Variants in MACROD2 observed in about 807,000 individuals in gnomAD.
MACROD2 encodes the protein ADP-ribose glycohydrolase MACROD2.
A neutral mutation model predicts 70.4 loss-of-function variants in MACROD2; 36 were observed. The ratio of observed to expected loss-of-function variants is 0.51; its 90% CI spans 0.39 to 0.68. The LOEUF (loss-of-function observed/expected upper bound fraction) is 0.68. Ranked by LOEUF, MACROD2 falls within the 30% of genes least tolerant of loss-of-function variation. The pLI is 0.00. For missense variants in MACROD2, 496 were observed against 538.4 expected (o/e 0.92, Z 0.78); for synonymous variants, 172 against 178.8 (o/e 0.96, Z 0.30).
chr20:15,154,576 G>A (rs2076293657), intron 5 of MACROD2, among the ~76,000 whole-genome samples: 1 of 152,196 alleles, frequency 6.6e-6, no homozygotes. Context: ...GTTAGTTTGA[G>A]ATCAAGGTGC....
intron 8 of MACROD2, among the ~76,000 whole-genome samples, chr20:15,714,208 C>A (rs531754125): frequency 6.6e-6 from 1 of 152,308 alleles, no homozygotes; most frequent in East Asian, 1.9e-4. Context: ...TGGCAAGGGC[C>A]AACCACAGAA....
chr20:14,866,914 A>C (rs917361334), intron 5 of MACROD2, among the ~76,000 whole-genome samples: 1 of 152,186 alleles, frequency 6.6e-6, no homozygotes, highest in Non-Finnish European at 1.5e-5. Context: ...AAGTGGTTAA[A>C]TCAAAGCTAT....
Position 16,051,641 on chromosome 20 carries a change from C to T in MACROD2, c.*1765C>T, listed in dbSNP as rs965107390. 15 of 152,048 alleles carry T rather than the reference C, an allele frequency of 9.9e-5. No homozygotes were observed. The highest frequency in any genetic ancestry group is 3.1e-4 in the African/African-American group (13 of 41,372). The allele number at this position is 152,048 out of a possible 1,614,324, so 9.4% of individuals were successfully genotyped here. Reference sequence around the variant, plus strand: ...ATGTTGTTGCTTTTCAGAAAAGTAACGAAAAGGCTCATTTTAAAGAATCCA... The same window carrying T: ...ATGTTGTTGCTTTTCAGAAAAGTAATGAAAAGGCTCATTTTAAAGAATCCA... On this transcript the variant is annotated 3_prime_UTR_variant, in exon 18 of 18. Coordinates refer to ENST00000684519, the MANE Select transcript of MACROD2 (RefSeq NM_001351661.2).
At chr20:14,177,184 T>G (rs2081269208) in intron 3 of MACROD2, among the ~76,000 whole-genome samples, 1 of 152,130 alleles carries the variant, frequency 6.6e-6, no homozygotes, top group Non-Finnish European at 1.5e-5. Context: ...TTGTTGATCA[T>G]GTATTTGTAT....
intron 4 of MACROD2, among the ~76,000 whole-genome samples, chr20:14,629,303 A>G (rs1172805652): frequency 6.6e-6 from 1 of 152,220 alleles, no homozygotes; most frequent in Non-Finnish European, 1.5e-5. Flanking sequence ...GAATATTTCT[A>G]CTTCTCCATT....
intron 4 of MACROD2, among the ~76,000 whole-genome samples, chr20:14,541,673 G>A (rs1331709192): frequency 1.3e-5 from 2 of 151,974 alleles, no homozygotes; most frequent in African/African-American, 4.8e-5. Flanking sequence ...AGGGAATGGT[G>A]TCTATAAAAC....
chr20:15,293,082 G>C (rs985983733), intron 6 of MACROD2, among the ~76,000 whole-genome samples: 1 of 152,182 alleles, frequency 6.6e-6, no homozygotes, highest in Non-Finnish European at 1.5e-5. Context: ...GTACTGCTAT[G>C]AGATTCTTTC....
chr20:14,739,107 C>T (rs551773245), intron 5 of MACROD2, among the ~76,000 whole-genome samples: 1 of 152,052 alleles, frequency 6.6e-6, no homozygotes, highest in African/African-American at 2.4e-5. Context: ...GCTGTTAGGA[C>T]TTTAAATTGG....
chr20:15,152,136 G>T (rs977947114), intron 5 of MACROD2, among the ~76,000 whole-genome samples: 3 of 151,994 alleles, frequency 2.0e-5, no homozygotes, highest in Non-Finnish European at 2.9e-5. Context: ...TTGTAGGATG[G>T]AAAAATTGAA....
At chr20:14,276,716 G>A (rs944168741) in intron 3 of MACROD2, among the ~76,000 whole-genome samples, 5 of 151,990 alleles carry the variant, frequency 3.3e-5, no homozygotes, top group African/African-American at 9.7e-5. Context: ...TATTAATGTA[G>A]TACTGAGACC....
chr20:14,082,181 T>TTTC (rs1555916958), intron 2 of MACROD2, among the ~76,000 whole-genome samples: 3 of 126,584 alleles, frequency 2.4e-5, no homozygotes, highest in African/African-American at 6.2e-5. Context: ...TTTTTTCTTT[T>TTTC]TTTTTTTTTT....
At chr20:14,166,893 C>T (rs2055276880) in intron 3 of MACROD2, among the ~76,000 whole-genome samples, 2 of 152,204 alleles carry the variant, frequency 1.3e-5, no homozygotes, top group Non-Finnish European at 2.9e-5. Flanking sequence ...CAACTGTTTA[C>T]TTCAGCATAT....
chr20:15,121,467 C>G (rs1286175610), intron 5 of MACROD2, among the ~76,000 whole-genome samples: 17 of 143,676 alleles, frequency 1.2e-4, no homozygotes, highest in Admixed American at 1.1e-3. Context: ...GAGCCGAGAT[C>G]GAGCCATTGC....
chr20:15,188,767 C>T (rs1039834999), intron 5 of MACROD2, among the ~76,000 whole-genome samples: 6 of 152,096 alleles, frequency 3.9e-5, no homozygotes, highest in Non-Finnish European at 8.8e-5. Flanking sequence ...AGTTTTTTGA[C>T]CTTGAAATAC....
At chr20:14,325,080 A>C (rs1477113437) in intron 3 of MACROD2, 1 of 152,692 alleles carries the variant, frequency 6.5e-6, no homozygotes, top group African/African-American at 2.4e-5. Flanking sequence ...CCATTTTTTA[A>C]AATTAAATTT....
rs16994881 is a variant in MACROD2 at position 14,746,417 on chromosome 20, T to G, written c.418+61458T>G. ...AGGGTTTATTTTCTTGCCAAATAGTTTAGTGTAAAAGGAGAGAAAATAAGT... is the reference window on the plus strand; with the variant it reads ...AGGGTTTATTTTCTTGCCAAATAGTGTAGTGTAAAAGGAGAGAAAATAAGT... On this transcript the variant is annotated intron_variant, in intron 5 of 17. Transcript: ENST00000684519. Among the ~76,000 whole-genome samples the G allele has an allele frequency of 8.3e-3, 1,262 of 152,276 alleles. 52 individuals carry two copies. In the East Asian group the frequency reaches 0.11, roughly 14 times the overall value.
intron 3 of MACROD2, among the ~76,000 whole-genome samples, chr20:14,368,640 G>T (rs978966097): frequency 6.6e-6 from 1 of 151,364 alleles, no homozygotes; most frequent in East Asian, 1.9e-4. Context: ...GTTTACTTTT[G>T]TCCCTTGCTA....
At chr20:15,639,208 A>G (rs1394758432) in intron 8 of MACROD2, among the ~76,000 whole-genome samples, 2 of 152,244 alleles carry the variant, frequency 1.3e-5, no homozygotes, top group African/African-American at 4.8e-5. Flanking sequence ...AATGAAAAAT[A>G]CAATAAAGAT....
At chr20:15,461,006 A>ATATATATATATATATATATATTTTTT in intron 7 of MACROD2, among the ~76,000 whole-genome samples, 42 of 66,966 alleles carry the variant, frequency 6.3e-4, no homozygotes, top group Non-Finnish European at 9.5e-4. Context: ...ATATATATAT[A>ATATATATATATATATATATATTTTTT]TTTTTTTTTA....
Sources: allele counts gnomAD v4.1 joint callset (sites outside exome capture counted in the v4.1 genomes callset), GRCh38; gene constraint gnomAD v4.1.1; transcripts MANE v1.5; gene names NCBI Gene and HGNC (gene_info 2026-07-23, HGNC 2026-07-21).